Variants in SLC26A3 observed in about 807,000 individuals in gnomAD.
SLC26A3 encodes solute carrier family 26 member 3, also known as chloride anion exchanger.
Under a neutral mutation model 85.6 loss-of-function variants are expected in SLC26A3, and 64 were observed. The ratio of observed to expected loss-of-function variants is 0.75; its 90% CI spans 0.61 to 0.92. The LOEUF is 0.92. Among genes scored for constraint, SLC26A3 ranks in the 40% least tolerant of loss-of-function variants. The pLI, the probability that SLC26A3 is intolerant of heterozygous loss-of-function variation, is 0.00. For synonymous variants in SLC26A3, 349 were observed against 336.0 expected (o/e 1.04, Z -0.42); for missense variants, 922 against 927.3 (o/e 0.99, Z 0.07).
rs143670801 is a variant in SLC26A3 at position 107,767,904 on chromosome 7, G to A, written c.2067C>T (p.Asp689=). 4 of 1,613,198 alleles carry A rather than the reference G, an allele frequency of 2.5e-6. No homozygotes were observed. Among genetic ancestry groups the A allele is most frequent in the Non-Finnish European group, 3.4e-6 (4 of 1,179,576 alleles). ...VDVYIVGTDD[D]FIEKLNRYEF... is the part of the protein sequence containing the mutation. ...CATACCGGTTAAGCTTCTCAATGAAGTCATCTGAAGAGAAAAAAACAGTAA... is the reference window on the plus strand; with the variant it reads ...CATACCGGTTAAGCTTCTCAATGAAATCATCTGAAGAGAAAAAAACAGTAA... The change falls in exon 19 of 21, where the codon GAC becomes GAT. Residue 689 remains aspartate, a synonymous_variant. Coordinates refer to ENST00000340010, the MANE Select transcript of SLC26A3 (RefSeq NM_000111.3).
intron 18 of SLC26A3, among the ~76,000 whole-genome samples, chr7:107,770,026 CTT>C (rs1554377111): frequency 3.8e-5 from 2 of 52,054 alleles, no homozygotes; most frequent in African/African-American, 1.4e-4. Context: ...TTCTTTCTTT[CTT>C]TCTTTCTTTC....
chr7:107,793,436 A>G (rs1036346636), intron 3 of SLC26A3, among the ~76,000 whole-genome samples: 1 of 152,246 alleles, frequency 6.6e-6, no homozygotes, highest in Non-Finnish European at 1.5e-5. Context: ...GTACCAATAC[A>G]TGCTACAATA....
At chr7:107,784,711 C>T (rs1393085273) in intron 8 of SLC26A3, among the ~76,000 whole-genome samples, 1 of 152,182 alleles carries the variant, frequency 6.6e-6, no homozygotes, top group Non-Finnish European at 1.5e-5. Context: ...AGATTACAGA[C>T]GTGAGCCATG....
intron 1 of SLC26A3, among the ~76,000 whole-genome samples, chr7:107,798,554 A>G (rs1379921290): frequency 6.6e-6 from 1 of 152,104 alleles, no homozygotes; most frequent in African/African-American, 2.4e-5. Context: ...ACTAATTTGA[A>G]CCAAGATGCT....
intron 11 of SLC26A3, among the ~76,000 whole-genome samples, chr7:107,782,495 A>G (rs1430943277): frequency 1.3e-5 from 2 of 152,200 alleles, no homozygotes; most frequent in African/African-American, 4.8e-5. Flanking sequence ...TACTCAGTCC[A>G]TGCGTGTTGA....
At position 107,765,702 on chromosome 7, in the gene SLC26A3, A is replaced by T; in HGVS notation, c.*153T>A. 1.7e-6 allele frequency: 1 copy of T among 575,684 alleles called. No individual in the cohort carries two copies. The highest frequency in any genetic ancestry group is 3.1e-6 in the Non-Finnish European group (1 of 321,106). 35.7% of individuals were successfully genotyped at this position (575,684 alleles called of 1,614,324 possible). A position where few individuals can be genotyped will look rare whatever the true frequency, so the allele number is the denominator to read the frequency against. ...TAATTTCATACTAGATATGTGAAAA[A>T]TATGCCATGCTAGAACCATCTTGTT... is the stretch of plus-strand genomic sequence containing the variant. On this transcript the variant is annotated 3_prime_UTR_variant, in exon 21 of 21. Transcript: ENST00000340010.
intron 17 of SLC26A3, 59 bp downstream of exon 17, chr7:107,773,861 A>T (rs1456827693): frequency 7.6e-6 from 10 of 1,320,964 alleles, no homozygotes; most frequent in Admixed American, 3.8e-5. Context: ...CACAAATACA[A>T]TTTTTTTTTT....
At chr7:107,771,308 G>A (rs1794026869) in intron 18 of SLC26A3, among the ~76,000 whole-genome samples, 3 of 152,190 alleles carry the variant, frequency 2.0e-5, no homozygotes, top group Admixed American at 2.0e-4. Flanking sequence ...CCACAGTCGA[G>A]TCCATTGGTC....
At chr7:107,783,135 C>A in intron 9 of SLC26A3, 42 bp from the exon 10 acceptor site, 1 of 1,610,228 alleles carries the variant, frequency 6.2e-7, no homozygotes, top group Non-Finnish European at 8.5e-7. Flanking sequence ...GAAGTGGCAC[C>A]ATTGATATTA....
chr7:107,766,615 C>G (rs1201252384), intron 20 of SLC26A3, among the ~76,000 whole-genome samples: 2 of 152,160 alleles, frequency 1.3e-5, no homozygotes, highest in African/African-American at 4.8e-5. Flanking sequence ...ATCTTATGCT[C>G]TACATTTCTT....
At chr7:107,772,859 A>T (rs944807179) in intron 17 of SLC26A3, among the ~76,000 whole-genome samples, 10 of 152,194 alleles carry the variant, frequency 6.6e-5, no homozygotes, top group African/African-American at 2.4e-4. Context: ...AGAAAACGCA[A>T]GTAGACTTGA....
At chr7:107,798,462 T>A (rs938736716) in intron 1 of SLC26A3, among the ~76,000 whole-genome samples, 2 of 152,194 alleles carry the variant, frequency 1.3e-5, no homozygotes, top group Non-Finnish European at 2.9e-5. Context: ...GAGAAGTGTC[T>A]TTTGGCCCTG....
At chr7:107,788,655 G>T (rs1454142019) in intron 6 of SLC26A3, among the ~76,000 whole-genome samples, 1 of 151,950 alleles carries the variant, frequency 6.6e-6, no homozygotes, top group Non-Finnish European at 1.5e-5. Flanking sequence ...TCTAAGAGAA[G>T]TGTTACTTAA....
chr7:107,802,724 C>T (rs1334505274), intron 1 of SLC26A3, among the ~76,000 whole-genome samples: 1 of 146,224 alleles, frequency 6.8e-6, no homozygotes, highest in Admixed American at 6.9e-5. Flanking sequence ...CCTGGAGAAA[C>T]TCTTTCCTTA....
intron 5 of SLC26A3, among the ~76,000 whole-genome samples, chr7:107,790,821 C>A (rs1794384346): frequency 6.6e-6 from 1 of 152,200 alleles, no homozygotes; most frequent in Admixed American, 6.5e-5. Context: ...CATTCCCCTT[C>A]TTCCTTCTGT....
At chr7:107,769,707 A>G (rs547755781) in intron 18 of SLC26A3, among the ~76,000 whole-genome samples, 1 of 152,330 alleles carries the variant, frequency 6.6e-6, no homozygotes, top group East Asian at 1.9e-4. Context: ...ACAAACCTGC[A>G]TGTGTACCCC....
chr7:107,789,701 C>A lies in SLC26A3; in HGVS notation c.571-13G>T. 1 of 1,610,782 alleles carries A rather than the reference C, an allele frequency of 6.2e-7. No homozygotes were observed. The highest frequency in any genetic ancestry group is 8.5e-7 in the Non-Finnish European group (1 of 1,178,436). ...TCCCAAAAGCCAACTGGAAAGAGAA[C>A]AAAAGCCTTTGTCAGCATAGATTAG... On this transcript the variant is annotated splice_polypyrimidine_tract_variant and intron_variant, in intron 5 of 20. Transcript: ENST00000340010.
Position 107,798,485 on chromosome 7 carries a change from A to C in SLC26A3, c.-88-3888T>G, listed in dbSNP as rs891916576. On this transcript the variant is annotated intron_variant, in intron 1 of 20. Transcript: ENST00000340010. ...TCTTTTGGCCCTGACCTTTCCACTC[A>C]GTGTTTATCTATTCTGTGTTTTAGT... Among the ~76,000 whole-genome samples, 44 of 152,058 alleles carry C rather than the reference A, an allele frequency of 2.9e-4. 1 individual carries two copies. Among genetic ancestry groups the C allele is most frequent in the African/African-American group, 1.0e-3 (42 of 41,388 alleles).
intron 8 of SLC26A3, among the ~76,000 whole-genome samples, chr7:107,783,870 T>C (rs1360412010): frequency 6.6e-6 from 1 of 152,218 alleles, no homozygotes; most frequent in Non-Finnish European, 1.5e-5. Flanking sequence ...ACAGAAATGC[T>C]AGAGACAACC....
Sources: gnomAD v4.1 joint callset for allele counts (sites outside exome capture counted in the v4.1 genomes callset) on GRCh38, gnomAD v4.1.1 for gene constraint, MANE v1.5 for transcripts, NCBI Gene and HGNC (gene_info 2026-07-23, HGNC 2026-07-21) for gene names.